KLHDC10: variants seen among roughly 807,000 people sequenced by gnomAD.
KLHDC10 encodes the protein kelch domain-containing protein 10.
A neutral mutation model predicts 56.1 loss-of-function variants in KLHDC10; 24 were observed. The observed-to-expected ratio is 0.43, with a 90% confidence interval of 0.31 to 0.60. The LOEUF (loss-of-function observed/expected upper bound fraction) is 0.60, where lower values mean the gene tolerates loss of function less well. Among genes scored for constraint, KLHDC10 ranks in the 20% least tolerant of loss-of-function variants. KLHDC10 has a pLI of 0.11. For missense variants in KLHDC10, 349 were observed against 567.0 expected, an observed-to-expected ratio of 0.62 and a Z score of 3.91; for synonymous variants, 188 against 207.1, an observed-to-expected ratio of 0.91 and a Z score of 0.79.
At position 130,070,738 on chromosome 7, in the gene KLHDC10, G is replaced by A. The variant is rs765509688; in HGVS notation, c.95G>A (p.Gly32Glu). 14 of 1,286,638 alleles carry A rather than the reference G, an allele frequency of 1.1e-5. No homozygotes were observed. Among genetic ancestry groups the A allele is most frequent in the Non-Finnish European group, 1.2e-5 (12 of 1,015,364 alleles). The allele number at this position is 1,286,638 out of a possible 1,614,324, so 79.7% of individuals were successfully genotyped here. Residue 32 changes from glycine (G) to glutamate (E), a missense_variant, in exon 1 of 10, where the codon GGG becomes GAG. Around this residue, in one of 2 missense-constraint regions of KLHDC10, gnomAD observed 104 missense variants for 97.0 expected, o/e 1.07. Transcript: ENST00000335420. The part of the protein sequence containing the change: ...GGGSGAGGGS[G>E]GSGGRGTGQL... ...GGTAGCGGGGCCGGCGGGGGCAGTG[G>A]GGGCAGCGGGGGTCGGGGGACTGGC...
In KLHDC10 at chr7:130,130,127, T is replaced by C. The variant is rs571638081; in HGVS notation, c.1120-410T>C. 5.7e-4 allele frequency among the ~76,000 whole-genome samples: 87 copies of C among 151,864 alleles called. No individual in the cohort carries two copies. Among genetic ancestry groups the C allele is most frequent in the Admixed American group, 1.8e-3 (27 of 15,254 alleles). On this transcript the variant is annotated intron_variant, in intron 9 of 9. Coordinates refer to ENST00000335420, the MANE Select transcript of KLHDC10 (RefSeq NM_014997.4). The surrounding 1 kb of genome is among the most constrained non-coding windows in gnomAD (Gnocchi z 4.2). ...GTCAGGAGATTGAGACCATCCTGGC[T>C]AACACGGATGAAACCCCATCTCTAC... is the stretch of plus-strand genomic sequence containing the variant.
rs779738576 is a variant in KLHDC10, at chr7:130,070,639, G to A, written c.-5G>A. The A allele has an allele frequency of 2.2e-5, 29 of 1,314,998 alleles. No individual in the cohort carries two copies. The highest frequency in any genetic ancestry group is 1.4e-4 in the South Asian group (6 of 41,980). The allele number at this position is 1,314,998 out of a possible 1,614,324, so 81.5% of individuals were successfully genotyped here. On this transcript the variant is annotated 5_prime_UTR_variant, in exon 1 of 10. Coordinates refer to ENST00000335420, the MANE Select transcript of KLHDC10 (RefSeq NM_014997.4). ...GGACCGGGCTGCGGCAATCGTTAGC[G>A]GGTCATGTCGGCCGCCCAGGGCTGG...
chr7:130,116,475 A>G lies in KLHDC10; in HGVS notation c.284A>G (p.His95Arg). The G allele has an allele frequency of 6.2e-7, 1 of 1,614,100 alleles. No homozygotes were observed. Among genetic ancestry groups the G allele is most frequent in the Non-Finnish European group, 8.5e-7 (1 of 1,179,972 alleles). Residue 95 changes from histidine to arginine, a missense_variant, in exon 3 of 10, where the codon CAT becomes CGT. Physicochemically the swap from His to Arg is conservative, Grantham distance 29. Around this residue, in one of 2 missense-constraint regions of KLHDC10, gnomAD observed 245 missense variants for 470.1 expected, o/e 0.52. Transcript: ENST00000335420. The surrounding 1 kb of genome is among the most constrained non-coding windows in gnomAD (Gnocchi z 4.8). ...AGACCTCCACCAGCACGAAGTGGAC[A>G]TCGTTGTGTGGCAGATAATACCAAC... ...GHRPPPARSG[H>R]RCVADNTNLY...
chr7:130,124,647 C>T, intron 6 of KLHDC10, 112 bp downstream of exon 6: 1 of 620,304 alleles, frequency 1.6e-6, no homozygotes. Context: ...TGAGCACATT[C>T]CTCATTAACA....
At chr7:130,077,446 A>T (rs1216851071) in intron 1 of KLHDC10, among the ~76,000 whole-genome samples, 6 of 127,206 alleles carry the variant, frequency 4.7e-5, no homozygotes, top group Admixed American at 4.0e-4. Flanking sequence ...AAAGTTGTTT[A>T]TTTTTTTATA....
chr7:130,130,604 T>C lies in KLHDC10; in HGVS notation c.1187T>C (p.Phe396Ser). The C allele has an allele frequency of 6.2e-7, 1 of 1,614,088 alleles. No individual in the cohort carries two copies. The highest frequency in any genetic ancestry group is 8.5e-7 in the Non-Finnish European group (1 of 1,180,022). ...GAAAACAAACGGACTGGGTCATTGT[T>C]TAAGATCTGGCTGGTGGTACCTAGC... The part of the protein sequence containing the change: ...IHENKRTGSL[F>S]KIWLVVPSLL... The change falls in exon 10 of 10, where the codon TTT becomes TCT. Residue 396 changes from phenylalanine (F) to serine (S), a missense_variant. Phe to Ser is a radical substitution (Grantham distance 155). Coordinates refer to ENST00000335420, the MANE Select transcript of KLHDC10 (RefSeq NM_014997.4). The surrounding 1 kb of genome is among the most constrained non-coding windows in gnomAD (Gnocchi z 4.2).
rs899185981 is a variant in KLHDC10, at chr7:130,070,909, C to T, written c.166+100C>T. On this transcript the variant is annotated intron_variant, in intron 1 of 9. Transcript: ENST00000335420. Reference sequence around the variant, plus strand: ...TGCTTTTCCTTGGGAGGAGGAAAGGCAGGCCCCACGCATAGCAGAGGGACT... The same window carrying T: ...TGCTTTTCCTTGGGAGGAGGAAAGGTAGGCCCCACGCATAGCAGAGGGACT... The T allele has an allele frequency of 8.4e-6, 7 of 835,624 alleles. No individual in the cohort carries two copies. In the African/African-American group the frequency reaches 1.0e-4, roughly 12 times the overall value. The allele number at this position is 835,624 out of a possible 1,614,324, so 51.8% of individuals were successfully genotyped here.
chr7:130,093,946 CAG>C (rs764060413), intron 1 of KLHDC10, among the ~76,000 whole-genome samples: 16 of 152,074 alleles, frequency 1.1e-4, no homozygotes, highest in Non-Finnish European at 2.1e-4. Context: ...GTTTTTGAGA[CAG>C]AGTCTCACTC....
intron 1 of KLHDC10, among the ~76,000 whole-genome samples, chr7:130,077,352 T>TAAA (rs1795519980): frequency 1.5e-4 from 1 of 6,646 alleles, no homozygotes; most frequent in Non-Finnish European, 2.2e-4. Context: ...AGACTCTGTC[T>TAAA]CAAAAAAAAA....
chr7:130,112,440 A>T (rs1224155844), intron 2 of KLHDC10, among the ~76,000 whole-genome samples: 1 of 152,152 alleles, frequency 6.6e-6, no homozygotes, highest in Admixed American at 6.5e-5. Flanking sequence ...TTGCTTTTAC[A>T]TTTCCCACTG....
rs11982957 is a variant in KLHDC10 at position 130,075,072 on chromosome 7, T to C, written c.166+4263T>C. Among the ~76,000 whole-genome samples, 916 of 152,316 alleles carry C rather than the reference T, an allele frequency of 6.0e-3. 8 individuals carry two copies. Among genetic ancestry groups the C allele is most frequent in the African/African-American group, 0.02 (829 of 41,560 alleles). Reference sequence around the variant, plus strand: ...CCTCATAGGCCAAGAAATTAATAGCTTTTTACTCCTGGATTTTTACTAACT... The same window carrying C: ...CCTCATAGGCCAAGAAATTAATAGCCTTTTACTCCTGGATTTTTACTAACT... On this transcript the variant is annotated intron_variant, in intron 1 of 9. Coordinates refer to ENST00000335420, the MANE Select transcript of KLHDC10 (RefSeq NM_014997.4).
At chr7:130,121,109 CT>C (rs59089969) in intron 4 of KLHDC10, among the ~76,000 whole-genome samples, 9 of 150,436 alleles carry the variant, frequency 6.0e-5, no homozygotes, top group Admixed American at 4.0e-4. Context: ...CCTTTCTTTT[CT>C]TTTTTTTTCA....
intron 3 of KLHDC10, among the ~76,000 whole-genome samples, chr7:130,119,778 A>G (rs1053920520): frequency 7.2e-6 from 1 of 139,232 alleles, no homozygotes; most frequent in Non-Finnish European, 1.5e-5. Context: ...TGGGAGGTGG[A>G]GGTTGCAGTG....
chr7:130,074,581 T>G (rs945307004), intron 1 of KLHDC10, among the ~76,000 whole-genome samples: 1 of 152,116 alleles, frequency 6.6e-6, no homozygotes, highest in East Asian at 1.9e-4. Context: ...TCTAGCCACA[T>G]TGACTCTGGA....
intron 8 of KLHDC10, among the ~76,000 whole-genome samples, chr7:130,128,675 A>C (rs1301893577): frequency 1.3e-5 from 2 of 151,718 alleles, no homozygotes; most frequent in Non-Finnish European, 2.9e-5. Context: ...TCTTTCCAGG[A>C]CATTATTTAA....
intron 1 of KLHDC10, among the ~76,000 whole-genome samples, chr7:130,093,967 A>G (rs1441463619): frequency 3.3e-5 from 5 of 152,166 alleles, no homozygotes; most frequent in Non-Finnish European, 7.3e-5. Flanking sequence ...TCTGTCGCCC[A>G]GAGTGGAATT....
At chr7:130,108,725 CAAA>C (rs200535259) in intron 2 of KLHDC10, among the ~76,000 whole-genome samples, 6 of 86,254 alleles carry the variant, frequency 7.0e-5, no homozygotes, top group Non-Finnish European at 1.3e-4. Context: ...CCATCTCAAA[CAAA>C]AAAAAAAAAA....
At chr7:130,101,403 CAG>C (rs1178509974) in intron 2 of KLHDC10, among the ~76,000 whole-genome samples, 3 of 152,158 alleles carry the variant, frequency 2.0e-5, no homozygotes, top group Admixed American at 2.0e-4. Context: ...TGGTGGAAGT[CAG>C]AGAGTGTCTT....
At chr7:130,104,047 T>G (rs1584629820) in intron 2 of KLHDC10, among the ~76,000 whole-genome samples, 2 of 151,826 alleles carry the variant, frequency 1.3e-5, no homozygotes, top group African/African-American at 2.4e-5. Flanking sequence ...AAGATCGTGC[T>G]ACTGCACTCC....
Sources: allele counts gnomAD v4.1 joint callset (sites outside exome capture counted in the v4.1 genomes callset), GRCh38; gene constraint gnomAD v4.1.1; regional missense constraint gnomAD v4.1.1; non-coding constraint Gnocchi (gnomAD v3.1); transcripts MANE v1.5; gene names NCBI Gene and HGNC (gene_info 2026-07-23, HGNC 2026-07-21).